Variants in KLHL8 observed in about 807,000 individuals in gnomAD.
KLHL8 encodes the protein kelch like family member 8.
Under a neutral mutation model 63.5 loss-of-function variants are expected in KLHL8, and 38 were observed. The ratio of observed to expected loss-of-function variants is 0.60; its 90% confidence interval spans 0.46 to 0.78. The LOEUF (loss-of-function observed/expected upper bound fraction) is 0.78, where lower values mean the gene tolerates loss of function less well. KLHL8 is among the 30% of genes least tolerant of loss of function. The pLI, the probability that KLHL8 is intolerant of heterozygous loss-of-function variation, is 0.00. For synonymous variants in KLHL8, 224 were observed against 254.3 expected, an observed-to-expected ratio of 0.88 and a Z score of 1.13; for missense variants, 566 against 752.4, an observed-to-expected ratio of 0.75 and a Z score of 2.90.
chr4:87,188,130 G>A (rs1731337133), intron 2 of KLHL8, among the ~76,000 whole-genome samples: 1 of 152,168 alleles, frequency 6.6e-6, no homozygotes, highest in Non-Finnish European at 1.5e-5. Context: ...TGAGACTAAA[G>A]TTGTAATGTA....
chr4:87,221,936 T>C (rs540291410), upstream of KLHL8, among the ~76,000 whole-genome samples: 2 of 152,280 alleles, frequency 1.3e-5, no homozygotes, highest in African/African-American at 4.8e-5. Flanking sequence ...TGGAACGTGA[T>C]GTAAAAATTG....
At chr4:87,230,306 T>C (rs747253595) in intron 1 of KLHL8, among the ~76,000 whole-genome samples, 1 of 152,148 alleles carries the variant, frequency 6.6e-6, no homozygotes, top group Non-Finnish European at 1.5e-5. Flanking sequence ...CAAGTGACAC[T>C]TCCACCCCCA....
intron 4 of KLHL8, among the ~76,000 whole-genome samples, chr4:87,182,909 T>C (rs1316547236): frequency 1.3e-5 from 2 of 152,170 alleles, no homozygotes; most frequent in Non-Finnish European, 2.9e-5. Flanking sequence ...AATGAGTAAA[T>C]GACAATGCAA....
chr4:87,239,130 A>C (rs1437040349), intron 1 of KLHL8, among the ~76,000 whole-genome samples: 1 of 152,226 alleles, frequency 6.6e-6, no homozygotes, highest in East Asian at 1.9e-4. Context: ...GTAGTGTTCA[A>C]TAAATATTTG....
At chr4:87,199,451 T>C (rs1362195511) in intron 1 of KLHL8, among the ~76,000 whole-genome samples, 1 of 152,130 alleles carries the variant, frequency 6.6e-6, no homozygotes, top group Non-Finnish European at 1.5e-5. Context: ...AATTTATCAA[T>C]GATTTCTTGT....
At chr4:87,183,479 C>A (rs1452271283) in intron 3 of KLHL8, 90 bp from the exon 4 acceptor site, 12 of 999,802 alleles carry the variant, frequency 1.2e-5, no homozygotes, top group Non-Finnish European at 1.7e-5. Context: ...AAGGTGAAAA[C>A]AAGATGAGTA....
intron 3 of KLHL8, among the ~76,000 whole-genome samples, chr4:87,184,088 C>T (rs10016360): frequency 0.98 from 149,566 of 152,288 alleles, 73,497 homozygotes; most frequent in East Asian, 1. Flanking sequence ...TGCAAGACTT[C>T]GTTGCAGCAG....
chr4:87,234,506 A>C (rs1733194257), intron 1 of KLHL8, among the ~76,000 whole-genome samples: 1 of 152,094 alleles, frequency 6.6e-6, no homozygotes, highest in South Asian at 2.1e-4. Flanking sequence ...AGCCATGATA[A>C]TGTCCTGCAC....
chr4:87,240,225 G>A (rs772174308), intron 1 of KLHL8: 12 of 152,128 alleles, frequency 7.9e-5, no homozygotes, highest in South Asian at 2.1e-4. Context: ...TTAAGGAATC[G>A]TTAGATAATC....
chr4:87,188,197 C>G (rs987517099), intron 2 of KLHL8, among the ~76,000 whole-genome samples: 24 of 152,162 alleles, frequency 1.6e-4, no homozygotes, highest in African/African-American at 5.5e-4. Context: ...AAAATGGGAT[C>G]TGAAATCTGA....
chr4:87,224,549 T>TTAG, upstream of KLHL8, among the ~76,000 whole-genome samples: 1 of 152,208 alleles, frequency 6.6e-6, no homozygotes. Context: ...GGAAACGTAC[T>TTAG]TAAAGAGCCT....
chr4:87,193,738 A>T (rs1463737433), intron 2 of KLHL8, among the ~76,000 whole-genome samples: 1 of 152,222 alleles, frequency 6.6e-6, no homozygotes, highest in Non-Finnish European at 1.5e-5. Flanking sequence ...GCATGTGAGT[A>T]AAGCACTGTG....
At chr4:87,180,173 T>A (rs1418449748) in intron 4 of KLHL8, among the ~76,000 whole-genome samples, 1 of 152,244 alleles carries the variant, frequency 6.6e-6, no homozygotes, top group Non-Finnish European at 1.5e-5. Context: ...GGTGTTCCTA[T>A]AGCACTTTTG....
chr4:87,211,239 T>C (rs1732393693), intron 1 of KLHL8, among the ~76,000 whole-genome samples: 1 of 152,236 alleles, frequency 6.6e-6, no homozygotes, highest in Non-Finnish European at 1.5e-5. Flanking sequence ...GCATAAGACA[T>C]TTACTTCAAT....
At chr4:87,225,683 T>C (rs955025500) in intron 1 of KLHL8, among the ~76,000 whole-genome samples, 8 of 152,302 alleles carry the variant, frequency 5.3e-5, no homozygotes, top group Non-Finnish European at 5.9e-5. Context: ...CACACAGTTA[T>C]TGTTTCCACT....
At chr4:87,228,599 C>G (rs1034025881) in intron 1 of KLHL8, among the ~76,000 whole-genome samples, 2 of 152,200 alleles carry the variant, frequency 1.3e-5, no homozygotes, top group Non-Finnish European at 2.9e-5. Context: ...GCCTGCCCAG[C>G]CTTTCAGGCT....
intron 1 of KLHL8, among the ~76,000 whole-genome samples, chr4:87,230,168 G>C (rs115447190): frequency 3.9e-4 from 59 of 152,258 alleles, no homozygotes; most frequent in African/African-American, 1.3e-3. Context: ...CTGGAGAGAG[G>C]AAGCTGTATG....
chr4:87,228,234 T>C (rs927571483), intron 1 of KLHL8, among the ~76,000 whole-genome samples: 5 of 152,194 alleles, frequency 3.3e-5, no homozygotes, highest in Admixed American at 6.5e-5. Flanking sequence ...AGCTGTTATA[T>C]ATATAGTGCT....
intron 8 of KLHL8, among the ~76,000 whole-genome samples, chr4:87,165,071 C>T (rs1252417073): frequency 6.7e-6 from 1 of 149,330 alleles, no homozygotes; most frequent in Non-Finnish European, 1.5e-5. Flanking sequence ...ATGGCGTGAA[C>T]CTGGGAGGCG....
Sources: allele counts gnomAD v4.1 joint callset (sites outside exome capture counted in the v4.1 genomes callset), GRCh38; gene constraint gnomAD v4.1.1; transcripts MANE v1.5; gene names NCBI Gene and HGNC (gene_info 2026-07-23, HGNC 2026-07-21).